Variants in PDE8B observed in about 807,000 individuals in gnomAD.
The protein encoded by PDE8B is phosphodiesterase 8B, also known as high affinity cAMP-specific and IBMX-insensitive 3',5'-cyclic phosphodiesterase 8B.
Under a neutral mutation model 101.3 loss-of-function variants are expected in PDE8B, and 26 were observed. The observed-to-expected ratio is 0.26, with a 90% CI of 0.19 to 0.36. The LOEUF (loss-of-function observed/expected upper bound fraction) is 0.36. Among genes scored for constraint, PDE8B ranks in the 10% least tolerant of loss-of-function variants. The pLI is 1.00. For missense variants in PDE8B, 810 were observed against 1,163.1 expected, an observed-to-expected ratio of 0.70 and a Z score of 4.42; for synonymous variants, 424 against 429.3, an observed-to-expected ratio of 0.99 and a Z score of 0.15.
chr5:77,211,075 C>G lies in PDE8B; in HGVS notation c.150C>G (p.Ala50=). ...LPGLFVQTDA[A]DAIPPSRASG... ...GCCTCTTCGTCCAGACCGACGCCGC[C>G]GACGCCATCCCCCCGAGCCGCGCGT... Residue 50 remains alanine (A), a synonymous_variant, in exon 1 of 22, where the codon GCC becomes GCG. Coordinates refer to ENST00000264917, the MANE Select transcript of PDE8B (RefSeq NM_003719.5). This position sits in a 1 kb window ranked among gnomAD's most constrained non-coding sequence, Gnocchi z 4.1. 6.6e-7 allele frequency: 1 copy of G among 1,505,776 alleles called. No homozygotes were observed. Among genetic ancestry groups the G allele is most frequent in the Admixed American group, 2.1e-5 (1 of 47,464 alleles). 93.3% of individuals were successfully genotyped at this position (1,505,776 alleles called of 1,614,324 possible). A position where few individuals can be genotyped will look rare whatever the true frequency, so the allele number is the denominator to read the frequency against.
chr5:77,115,157 A>G, the PDE8B span: 2 of 152,382 alleles, frequency 1.3e-5, no homozygotes, highest in African/African-American at 4.8e-5. Flanking sequence ...AGTGAAAGAC[A>G]TGGGAAAACA....
At chr5:77,212,147 C>G (rs955236942) in intron 1 of PDE8B, among the ~76,000 whole-genome samples, 5 of 152,138 alleles carry the variant, frequency 3.3e-5, no homozygotes, top group Non-Finnish European at 7.4e-5. Flanking sequence ...ATCCAAGAGG[C>G]TTTTCATTGT....
chr5:77,189,527 G>C, the PDE8B span, among the ~76,000 whole-genome samples: 1 of 152,212 alleles, frequency 6.6e-6, no homozygotes, highest in Non-Finnish European at 1.5e-5. Flanking sequence ...CTGAGCTGAA[G>C]CCTGAAGGAA....
At chr5:77,304,989 G>A (rs375366926) in intron 1 of PDE8B, among the ~76,000 whole-genome samples, 14 of 152,144 alleles carry the variant, frequency 9.2e-5, no homozygotes, top group Non-Finnish European at 1.9e-4. Flanking sequence ...TACCTTCCAC[G>A]AGGTAAGTGT....
chr5:77,125,619 T>G, the PDE8B span, among the ~76,000 whole-genome samples: 1 of 152,220 alleles, frequency 6.6e-6, no homozygotes, highest in Non-Finnish European at 1.5e-5. Context: ...TTATTCATCT[T>G]TTTAAAGACA....
At chr5:77,275,197 T>A (rs1046692261) in intron 1 of PDE8B, among the ~76,000 whole-genome samples, 3 of 152,040 alleles carry the variant, frequency 2.0e-5, no homozygotes, top group Admixed American at 6.6e-5. Context: ...CATCTTTTTT[T>A]AAAAAAGAAA....
At chr5:77,235,897 A>C (rs1272121896) in intron 1 of PDE8B, among the ~76,000 whole-genome samples, 1 of 152,098 alleles carries the variant, frequency 6.6e-6, no homozygotes, top group Non-Finnish European at 1.5e-5. Context: ...AAATTTAACA[A>C]CCTTATTTGG....
chr5:77,387,470 C>T (rs963585329), intron 10 of PDE8B, among the ~76,000 whole-genome samples: 1 of 152,058 alleles, frequency 6.6e-6, no homozygotes, highest in Non-Finnish European at 1.5e-5. Flanking sequence ...GTGGGTAACC[C>T]GACCTTTCTC....
the PDE8B span, among the ~76,000 whole-genome samples, chr5:77,090,331 C>T: frequency 1.3e-5 from 2 of 152,164 alleles, no homozygotes; most frequent in African/African-American, 2.4e-5. Context: ...GCTCCGCCTC[C>T]CGGGAGCTTG....
chr5:77,291,540 CAG>C, intron 1 of PDE8B: 1 of 1,603,980 alleles, frequency 6.2e-7, no homozygotes. Context: ...TGAAGTAAAA[CAG>C]AGACTTTCAA....
At chr5:77,244,769 G>A (rs763027587) in intron 1 of PDE8B, among the ~76,000 whole-genome samples, 8 of 152,096 alleles carry the variant, frequency 5.3e-5, no homozygotes, top group East Asian at 1.9e-4. Context: ...CCAAGGTCAC[G>A]CAGCTATTAA....
At chr5:77,378,456 TAAAAAAAAAAA>T (rs58121927) in intron 10 of PDE8B, among the ~76,000 whole-genome samples, 16 of 69,374 alleles carry the variant, frequency 2.3e-4, no homozygotes, top group East Asian at 1.1e-3. Flanking sequence ...AGACTCCATC[TAAAAAAAAAAA>T]AAAAAAAAAA....
At chr5:77,279,681 A>T (rs1306391354) in intron 1 of PDE8B, among the ~76,000 whole-genome samples, 2 of 152,238 alleles carry the variant, frequency 1.3e-5, no homozygotes, top group African/African-American at 4.8e-5. Flanking sequence ...AGAGAGGTTG[A>T]ATAACTCCAA....
rs763811271 is a variant in PDE8B, at chr5:77,325,565, TAGTC to T, written c.429_432del (p.Ser143ArgfsTer38). The T allele has an allele frequency of 6.2e-7, 1 of 1,614,020 alleles. No homozygotes were observed. Among genetic ancestry groups the T allele is most frequent in the Non-Finnish European group, 8.5e-7 (1 of 1,179,986 alleles). ...TTTTGCTGATCTTTGCAAAGGAAGA[TAGTC>T]AGAGCGATGGCTTCTGGTGGGCCTG... On this transcript the variant is annotated frameshift_variant, in exon 3 of 22. Coordinates refer to ENST00000264917, the MANE Select transcript of PDE8B (RefSeq NM_003719.5). LOFTEE classifies it high-confidence loss of function.
At chr5:77,149,774 A>G in the PDE8B span, among the ~76,000 whole-genome samples, 1 of 152,136 alleles carries the variant, frequency 6.6e-6, no homozygotes, top group Admixed American at 6.5e-5. Context: ...GGTGTTTTCT[A>G]TACGCAAGAT....
At chr5:77,382,595 C>T (rs1220918555) in intron 10 of PDE8B, among the ~76,000 whole-genome samples, 5 of 151,954 alleles carry the variant, frequency 3.3e-5, no homozygotes, top group East Asian at 1.9e-4. Context: ...CCCCACCCTC[C>T]GACAGGCCCC....
At chr5:77,249,983 G>A (rs1055097542) in intron 1 of PDE8B, among the ~76,000 whole-genome samples, 7 of 152,316 alleles carry the variant, frequency 4.6e-5, no homozygotes, top group East Asian at 1.9e-4. Context: ...TTATGCACAC[G>A]TCCCTGTTAT....
At chr5:77,390,973 C>G (rs368675923) in intron 10 of PDE8B, among the ~76,000 whole-genome samples, 1 of 152,180 alleles carries the variant, frequency 6.6e-6, no homozygotes. Flanking sequence ...CTGCAGATGT[C>G]ATGCTGCCAG....
intron 10 of PDE8B, among the ~76,000 whole-genome samples, chr5:77,380,404 T>G (rs73136901): frequency 0.092 from 13,950 of 152,238 alleles, 2,037 homozygotes; most frequent in African/African-American, 0.31. Flanking sequence ...ATTTAGATAT[T>G]TGGCCTCCAT....
Sources: gnomAD v4.1 joint callset for allele counts (sites outside exome capture counted in the v4.1 genomes callset) on GRCh38, gnomAD v4.1.1 for gene constraint, Gnocchi (gnomAD v3.1) non-coding constraint, MANE v1.5 for transcripts, NCBI Gene and HGNC (gene_info 2026-07-23, HGNC 2026-07-21) for gene names.